The following ESR1 variants were observed in gnomAD, a reference collection of about 807,000 sequenced individuals.
ESR1 encodes the protein estrogen receptor 1.
Under a neutral mutation model 52.7 loss-of-function variants are expected in ESR1, and 12 were observed. That is an observed-to-expected ratio of 0.23 (90% CI 0.15 to 0.37). The LOEUF (loss-of-function observed/expected upper bound fraction) is 0.37, where lower values mean the gene tolerates loss of function less well. ESR1 is among the 10% of genes least tolerant of loss of function. ESR1 has a pLI of 1.00. For synonymous variants in ESR1, 305 were observed against 316.8 expected, an observed-to-expected ratio of 0.96 and a Z score of 0.39; for missense variants, 584 against 779.7, an observed-to-expected ratio of 0.75 and a Z score of 2.99.
intron 2 of ESR1, among the ~76,000 whole-genome samples, chr6:151,869,412 A>T (rs978966898): frequency 2.6e-5 from 4 of 152,110 alleles, no homozygotes; most frequent in Admixed American, 6.6e-5. Context: ...CCTTTTCTGG[A>T]CTGTAGAATA....
chr6:152,036,995 A>T (rs1229637767), intron 5 of ESR1, among the ~76,000 whole-genome samples: 1 of 152,254 alleles, frequency 6.6e-6, no homozygotes. Flanking sequence ...AAAAGCCCAG[A>T]AATGGGCTTA....
chr6:151,698,887 C>T lies in ESR1; in HGVS notation c.-201-2988C>T, dbSNP rs181201005. ...AAGAACACTGCTCTTGTCCGTTTGACGGTCCTATTCCTCCGGATCACTCAA... is the reference window on the plus strand; with the variant it reads ...AAGAACACTGCTCTTGTCCGTTTGATGGTCCTATTCCTCCGGATCACTCAA... On this transcript the variant is annotated intron_variant, in intron 1 of 2. Transcript: ENST00000404742. 6.6e-4 allele frequency among the ~76,000 whole-genome samples: 100 copies of T among 152,264 alleles called. 1 individual carries two copies. Among genetic ancestry groups the T allele is most frequent in the African/African-American group, 1.6e-3 (65 of 41,560 alleles).
upstream of ESR1, among the ~76,000 whole-genome samples, chr6:151,806,250 G>A (rs938597680): frequency 2.0e-5 from 3 of 151,914 alleles, no homozygotes; most frequent in Non-Finnish European, 2.9e-5. Context: ...TTTGCATATT[G>A]TCCAACAATG....
At chr6:151,981,221 C>T (rs1304967273) in intron 4 of ESR1, among the ~76,000 whole-genome samples, 2 of 152,172 alleles carry the variant, frequency 1.3e-5, no homozygotes, top group African/African-American at 4.8e-5. Context: ...TGCCTTGCTT[C>T]TTTACCACCT....
At chr6:152,122,041 T>A (rs573809771) in intron 6 of ESR1, 2 of 296,382 alleles carry the variant, frequency 6.7e-6, no homozygotes, top group African/African-American at 4.3e-5. Context: ...ACATGGTGCT[T>A]GGGAGGGTCA....
intron 5 of ESR1, among the ~76,000 whole-genome samples, chr6:152,035,387 A>C (rs1261411220): frequency 2.0e-5 from 3 of 151,888 alleles, no homozygotes; most frequent in Non-Finnish European, 4.4e-5. Context: ...AAATAGCAGG[A>C]GCTCTGTAGA....
intron 2 of ESR1, among the ~76,000 whole-genome samples, chr6:151,767,698 A>T (rs1197968895): frequency 6.6e-6 from 1 of 152,230 alleles, no homozygotes; most frequent in East Asian, 1.9e-4. Flanking sequence ...GAGATGTCAA[A>T]TTCCAGTTAA....
At chr6:151,784,525 G>T (rs962601571) in intron 2 of ESR1, among the ~76,000 whole-genome samples, 1 of 152,096 alleles carries the variant, frequency 6.6e-6, no homozygotes, top group Non-Finnish European at 1.5e-5. Context: ...ATAACATTCT[G>T]ATTGAAATCT....
chr6:152,103,719 A>G (rs888954828), downstream of ESR1, among the ~76,000 whole-genome samples: 1 of 152,190 alleles, frequency 6.6e-6, no homozygotes, highest in Non-Finnish European at 1.5e-5. Flanking sequence ...GAATGGAAGA[A>G]TGAGTGATCT....
At chr6:151,952,013 A>C (rs748199695) in intron 4 of ESR1, among the ~76,000 whole-genome samples, 4 of 152,076 alleles carry the variant, frequency 2.6e-5, no homozygotes, top group Non-Finnish European at 4.4e-5. Context: ...TCTACATCCT[A>C]CTTTGATCAT....
At chr6:151,805,352 C>G (rs1017640201), upstream of ESR1, 1 of 152,224 alleles carries the variant, frequency 6.6e-6, no homozygotes, top group African/African-American at 2.4e-5. Flanking sequence ...TATCCATACA[C>G]TTTTGACTGG....
At chr6:152,034,950 C>T (rs1395308345) in intron 5 of ESR1, among the ~76,000 whole-genome samples, 1 of 152,176 alleles carries the variant, frequency 6.6e-6, no homozygotes, top group Non-Finnish European at 1.5e-5. Flanking sequence ...TGTTTGCTAA[C>T]TACGCACGTG....
intron 2 of ESR1, among the ~76,000 whole-genome samples, chr6:151,861,449 A>G (rs1285855100): frequency 1.3e-5 from 2 of 152,190 alleles, no homozygotes; most frequent in African/African-American, 4.8e-5. Context: ...CCCTGTTCTC[A>G]TTTGTAAGCA....
At chr6:151,944,858 G>A (rs889297576) in intron 4 of ESR1, among the ~76,000 whole-genome samples, 1 of 152,128 alleles carries the variant, frequency 6.6e-6, no homozygotes, top group African/African-American at 2.4e-5. Flanking sequence ...AACTACAAAA[G>A]TTTGTAATAT....
rs546779039 is a variant in ESR1 at position 152,031,735 on chromosome 6, T to G, written c.1235+19941T>G. Among the ~76,000 whole-genome samples, 75 of 152,324 alleles carry G rather than the reference T, an allele frequency of 4.9e-4. No individual in the cohort carries two copies. In the East Asian group the frequency reaches 0.014, roughly 28 times the overall value. ...TACAAGGAGGAGCTGGTACCATTCCTTCGGAAACTATTCCAATCAATAGAA... is the reference window on the plus strand; with the variant it reads ...TACAAGGAGGAGCTGGTACCATTCCGTCGGAAACTATTCCAATCAATAGAA... On this transcript the variant is annotated intron_variant, in intron 5 of 7. Transcript: ENST00000206249.
chr6:152,010,130 C>T (rs921858961), intron 4 of ESR1, among the ~76,000 whole-genome samples: 5 of 152,094 alleles, frequency 3.3e-5, no homozygotes, highest in African/African-American at 9.7e-5. Context: ...TGAGGTCTGT[C>T]TCTAGCTTTG....
intron 1 of ESR1, among the ~76,000 whole-genome samples, chr6:151,658,398 A>G (rs893840795): frequency 6.6e-6 from 1 of 152,200 alleles, no homozygotes; most frequent in Non-Finnish European, 1.5e-5. Context: ...ACTCACACAC[A>G]GCACACCAGT....
At chr6:151,957,782 A>G (rs2037174827) in intron 4 of ESR1, among the ~76,000 whole-genome samples, 1 of 152,236 alleles carries the variant, frequency 6.6e-6, no homozygotes, top group Non-Finnish European at 1.5e-5. Context: ...AATCAACCAC[A>G]TATTACAGAA....
chr6:151,810,828 T>C (rs1442886490), intron 1 of ESR1, among the ~76,000 whole-genome samples: 1 of 152,218 alleles, frequency 6.6e-6, no homozygotes, highest in Non-Finnish European at 1.5e-5. Context: ...AGAAAGCTAA[T>C]GGCCTAAAAT....
Sources: gnomAD v4.1 joint callset for allele counts (sites outside exome capture counted in the v4.1 genomes callset) on GRCh38, gnomAD v4.1.1 for gene constraint, MANE v1.5 for transcripts, NCBI Gene and HGNC (gene_info 2026-07-23, HGNC 2026-07-21) for gene names.